Variants in SNX13 observed in about 807,000 individuals in gnomAD.
The protein encoded by SNX13 is sorting nexin 13, also known as sorting nexin-13.
A neutral mutation model predicts 133.6 loss-of-function variants in SNX13; 45 were observed. That is an observed-to-expected ratio of 0.34 (90% CI 0.27 to 0.43). The LOEUF (loss-of-function observed/expected upper bound fraction) is 0.43. Ranked by LOEUF, SNX13 falls within the 20% of genes least tolerant of loss-of-function variation. The pLI is 1.00. For missense variants in SNX13, 1,032 were observed against 1,145.1 expected (o/e 0.90, Z 1.43); for synonymous variants, 414 against 373.9 (o/e 1.11, Z -1.24).
chr7:17,857,251 C>T (rs1224725811), intron 9 of SNX13, among the ~76,000 whole-genome samples: 1 of 152,038 alleles, frequency 6.6e-6, no homozygotes, highest in Non-Finnish European at 1.5e-5. Context: ...TAAAAGTATC[C>T]CATCCAAGAA....
intron 1 of SNX13, among the ~76,000 whole-genome samples, chr7:17,903,105 A>T (rs1798016262): frequency 6.6e-6 from 1 of 152,138 alleles, no homozygotes; most frequent in Admixed American, 6.5e-5. Flanking sequence ...ACAATAATCA[A>T]CATTGAGATA....
In SNX13 at chr7:17,832,156, T is replaced by A. The variant is rs139708301; in HGVS notation, c.1597+1896A>T. ...GATATATAAGAGAAGCATATTTACT[T>A]CAGATCAAAACCAGTTCCAAAAAAA... On this transcript the variant is annotated intron_variant, in intron 15 of 25. Coordinates refer to ENST00000428135, the MANE Select transcript of SNX13 (RefSeq NM_015132.5). 654 of 984,336 alleles carry A rather than the reference T, an allele frequency of 6.6e-4. 2 individuals are homozygous for A. The African/African-American group carries it at 0.011, about 16-fold the overall frequency. 61.0% of individuals were successfully genotyped at this position (984,336 alleles called of 1,614,324 possible). A position where few individuals can be genotyped will look rare whatever the true frequency, so the allele number is the denominator to read the frequency against.
At chr7:17,877,045 G>GAAAAAAAAAAAAAAAAAAAAAA (rs57618763) in intron 5 of SNX13, among the ~76,000 whole-genome samples, 1 of 60,074 alleles carries the variant, frequency 1.7e-5, no homozygotes. Flanking sequence ...GTTACTTTTT[G>GAAAAAAAAAAAAAAAAAAAAAA]AAAAAAAAAA....
At chr7:17,862,522 A>G (rs560853839) in intron 9 of SNX13, among the ~76,000 whole-genome samples, 2 of 152,310 alleles carry the variant, frequency 1.3e-5, no homozygotes, top group African/African-American at 4.8e-5. Flanking sequence ...ATTAATAAGT[A>G]TATTTTTCTA....
intron 9 of SNX13, among the ~76,000 whole-genome samples, chr7:17,866,472 A>C (rs970768475): frequency 2.6e-5 from 4 of 152,216 alleles, no homozygotes; most frequent in African/African-American, 7.2e-5. Flanking sequence ...CTTTTAACCA[A>C]AAGAAAGGCA....
intron 15 of SNX13, chr7:17,832,074 A>G (rs1192964974): frequency 2.0e-6 from 2 of 982,700 alleles, no homozygotes; most frequent in Admixed American, 6.2e-5. Flanking sequence ...AAGATACATA[A>G]GTATATAATC....
Position 17,912,685 on chromosome 7 carries a change from T to C in SNX13, c.13-15239A>G, listed in dbSNP as rs1370565333. ...CCTTGGCCTCTCAAAGTGCTGGGATTACAGGCTTGAGCTACCACACCCAGC... is the reference window on the plus strand; with the variant it reads ...CCTTGGCCTCTCAAAGTGCTGGGATCACAGGCTTGAGCTACCACACCCAGC... On this transcript the variant is annotated intron_variant, in intron 1 of 25. Coordinates refer to ENST00000428135, the MANE Select transcript of SNX13 (RefSeq NM_015132.5). 2.0e-5 allele frequency among the ~76,000 whole-genome samples: 3 copies of C among 152,160 alleles called. No individual in the cohort carries two copies. In the East Asian group the frequency reaches 5.8e-4, roughly 29 times the overall value.
chr7:17,876,980 G>A (rs1192072107), intron 5 of SNX13, among the ~76,000 whole-genome samples: 2 of 142,216 alleles, frequency 1.4e-5, no homozygotes, highest in Middle Eastern at 4.0e-3. Context: ...AATTCATTAT[G>A]GTAATTACCC....
chr7:17,929,987 G>C (rs1801208308), intron 1 of SNX13, among the ~76,000 whole-genome samples: 1 of 151,894 alleles, frequency 6.6e-6, no homozygotes, highest in African/African-American at 2.4e-5. Flanking sequence ...CTCAATCAAA[G>C]AACACTAAAA....
intron 20 of SNX13, among the ~76,000 whole-genome samples, chr7:17,813,704 A>G (rs1042653139): frequency 6.6e-6 from 1 of 150,962 alleles, no homozygotes; most frequent in African/African-American, 2.4e-5. Context: ...CTCCCACCTC[A>G]GCCTCTTGAG....
chr7:17,825,748 A>G (rs1787838185), intron 17 of SNX13, among the ~76,000 whole-genome samples: 1 of 152,210 alleles, frequency 6.6e-6, no homozygotes, highest in African/African-American at 2.4e-5. Context: ...ACCCAAGAAC[A>G]AAGAGGAAAA....
chr7:17,877,044 T>TGA (rs1794805546), intron 5 of SNX13, among the ~76,000 whole-genome samples: 1 of 72,990 alleles, frequency 1.4e-5, no homozygotes. Context: ...TGTTACTTTT[T>TGA]GAAAAAAAAA....
At chr7:17,887,853 GAA>G (rs60926364) in intron 5 of SNX13, among the ~76,000 whole-genome samples, 5 of 146,236 alleles carry the variant, frequency 3.4e-5, no homozygotes, top group African/African-American at 1.0e-4. Context: ...CACTGGATAG[GAA>G]AAAAAAAAAA....
Position 17,890,491 on chromosome 7 carries a change from C to T in SNX13, c.319-7G>A. 1 of 1,537,832 alleles carries T rather than the reference C, an allele frequency of 6.5e-7. No individual in the cohort carries two copies. The highest frequency in any genetic ancestry group is 8.8e-7 in the Non-Finnish European group (1 of 1,142,828). ...TCAAGGAAAACTGGATAACCTATAA[C>T]AAAAATATTGGAAAAAAAATTACAA... On this transcript the variant is annotated splice_region_variant and splice_polypyrimidine_tract_variant and intron_variant, in intron 4 of 25. Transcript: ENST00000428135.
At chr7:17,929,126 GAGA>G (rs1801109344) in intron 1 of SNX13, among the ~76,000 whole-genome samples, 1 of 152,022 alleles carries the variant, frequency 6.6e-6, no homozygotes, top group Admixed American at 6.5e-5. Context: ...TGTAGACACA[GAGA>G]AGAATAATGA....
intron 1 of SNX13, among the ~76,000 whole-genome samples, chr7:17,910,693 G>GT (rs1276190230): frequency 6.6e-6 from 1 of 152,130 alleles, no homozygotes; most frequent in Admixed American, 6.5e-5. Context: ...ACAAATTGTG[G>GT]TATCTACCTA....
chr7:17,833,957 C>G, intron 15 of SNX13, 95 bp downstream of exon 15: 1 of 945,872 alleles, frequency 1.1e-6, no homozygotes, highest in Non-Finnish European at 1.4e-6. Flanking sequence ...TATTTGGACT[C>G]CAACAACATT....
At chr7:17,898,481 C>T (rs928928259) in intron 1 of SNX13, among the ~76,000 whole-genome samples, 3 of 152,158 alleles carry the variant, frequency 2.0e-5, no homozygotes, top group Non-Finnish European at 4.4e-5. Context: ...TTGCTTCCTA[C>T]GTGCCAAGCA....
chr7:17,926,920 A>T (rs1035567186), intron 1 of SNX13, among the ~76,000 whole-genome samples: 2 of 152,136 alleles, frequency 1.3e-5, no homozygotes, highest in African/African-American at 4.8e-5. Context: ...TACTCCAAAG[A>T]AAAACAGGGT....
Sources: allele counts gnomAD v4.1 joint callset (sites outside exome capture counted in the v4.1 genomes callset), GRCh38; gene constraint gnomAD v4.1.1; transcripts MANE v1.5; gene names NCBI Gene and HGNC (gene_info 2026-07-23, HGNC 2026-07-21).